Variants in TMEM108 observed in about 807,000 individuals in gnomAD.
TMEM108 encodes the protein cancer/testis antigen 124.
Under a neutral mutation model 35.1 loss-of-function variants are expected in TMEM108, and 12 were observed. The ratio of observed to expected loss-of-function variants is 0.34; its 90% confidence interval spans 0.22 to 0.55. The LOEUF is 0.55. Among genes scored for constraint, TMEM108 ranks in the 20% least tolerant of loss-of-function variants. The pLI, the probability that TMEM108 is intolerant of heterozygous loss-of-function variation, is 0.89. For synonymous variants in TMEM108, 287 were observed against 308.6 expected (o/e 0.93, Z 0.73); for missense variants, 680 against 753.3 (o/e 0.90, Z 1.14).
At chr3:133,301,891 A>G (rs753783689) in intron 3 of TMEM108, among the ~76,000 whole-genome samples, 11 of 152,068 alleles carry the variant, frequency 7.2e-5, no homozygotes, top group Admixed American at 2.0e-4. Context: ...AGTGGGTGCA[A>G]CTCAGGAAGC....
intron 2 of TMEM108, among the ~76,000 whole-genome samples, chr3:133,179,047 A>G (rs1333990166): frequency 2.0e-5 from 3 of 152,198 alleles, no homozygotes; most frequent in African/African-American, 7.2e-5. Flanking sequence ...CAAAAGACAC[A>G]TGAAAAAATG....
intron 2 of TMEM108, among the ~76,000 whole-genome samples, chr3:133,166,672 A>G (rs1045175087): frequency 6.6e-6 from 1 of 151,708 alleles, no homozygotes; most frequent in African/African-American, 2.4e-5. Flanking sequence ...CGGTGGGTTC[A>G]TGGTCTCGCT....
chr3:133,187,692 G>A (rs941845805), intron 2 of TMEM108, among the ~76,000 whole-genome samples: 1 of 152,096 alleles, frequency 6.6e-6, no homozygotes, highest in Non-Finnish European at 1.5e-5. Context: ...AGAGATTGTA[G>A]TGAGCCAAGG....
Position 133,065,491 on chromosome 3 carries a change from C to CA in TMEM108, c.-47+19473dup, listed in dbSNP as rs140217593. ...AGCTCTAGTTAGTATAAAAGAAACC[C>CA]AATTTTTTTTTCATGTTCCAGAAAC... On this transcript the variant is annotated intron_variant, in intron 2 of 5. Transcript: ENST00000321871. Among the ~76,000 whole-genome samples the CA allele has an allele frequency of 3.7e-4, 56 of 150,960 alleles. No homozygotes were observed. The East Asian group carries it at 0.011, about 29-fold the overall frequency.
At chr3:133,039,156 A>G (rs889758559) in intron 1 of TMEM108, among the ~76,000 whole-genome samples, 3 of 152,142 alleles carry the variant, frequency 2.0e-5, no homozygotes, top group Admixed American at 6.5e-5. Context: ...TACAAAAACC[A>G]ATTTCAGATG....
chr3:133,259,671 T>C (rs1946597663), intron 3 of TMEM108, among the ~76,000 whole-genome samples: 1 of 152,210 alleles, frequency 6.6e-6, no homozygotes, highest in South Asian at 2.1e-4. Flanking sequence ...AATAGAATTT[T>C]TCAATAGGAG....
intron 3 of TMEM108, among the ~76,000 whole-genome samples, chr3:133,306,215 A>G (rs961627470): frequency 2.0e-5 from 3 of 152,150 alleles, no homozygotes; most frequent in African/African-American, 7.2e-5. Flanking sequence ...TCCTGTATTT[A>G]CTTCTAAAAG....
At chr3:133,084,584 G>A (rs191296052) in intron 2 of TMEM108, among the ~76,000 whole-genome samples, 1 of 152,250 alleles carries the variant, frequency 6.6e-6, no homozygotes, top group East Asian at 1.9e-4. Context: ...CTTTTGGATG[G>A]GTGATGGAAT....
At chr3:133,105,698 C>A (rs1944141903) in intron 2 of TMEM108, among the ~76,000 whole-genome samples, 1 of 152,218 alleles carries the variant, frequency 6.6e-6, no homozygotes, top group African/African-American at 2.4e-5. Flanking sequence ...CCACGACTTT[C>A]TCTCGTCCAC....
At chr3:133,210,191 T>G (rs1945815944) in intron 2 of TMEM108, among the ~76,000 whole-genome samples, 1 of 152,232 alleles carries the variant, frequency 6.6e-6, no homozygotes, top group Admixed American at 6.5e-5. Context: ...ACTGTGGCTC[T>G]AGTACTCTCT....
At chr3:133,362,972 G>A (rs535094952) in intron 3 of TMEM108, among the ~76,000 whole-genome samples, 7 of 152,308 alleles carry the variant, frequency 4.6e-5, no homozygotes, top group Non-Finnish European at 8.8e-5. Flanking sequence ...CCGGGCCAGA[G>A]GGTGTTGTTT....
Position 133,167,764 on chromosome 3 carries a change from C to T in TMEM108, c.-46-61502C>T, listed in dbSNP as rs563189820. ...ACCGCATGCAGCCCCAGTTCCCACC[C>T]GCGCCTCTCCCTCCACACCTTCCCG... On this transcript the variant is annotated intron_variant, in intron 2 of 5. Coordinates refer to ENST00000321871, the MANE Select transcript of TMEM108 (RefSeq NM_023943.4). 2.5e-4 allele frequency among the ~76,000 whole-genome samples: 38 copies of T among 152,306 alleles called. No homozygotes were observed. The East Asian group carries it at 6.6e-3, about 26-fold the overall frequency.
At chr3:133,236,580 A>G (rs1946240738) in intron 3 of TMEM108, among the ~76,000 whole-genome samples, 1 of 152,010 alleles carries the variant, frequency 6.6e-6, no homozygotes, top group Admixed American at 6.6e-5. Context: ...CTATTTTCTG[A>G]TGGGATGATC....
intron 2 of TMEM108, among the ~76,000 whole-genome samples, chr3:133,149,339 C>G (rs577451234): frequency 1.3e-5 from 2 of 152,310 alleles, no homozygotes; most frequent in Admixed American, 1.3e-4. Flanking sequence ...CATCCATCAC[C>G]TCATATGCTC....
chr3:133,203,634 C>G (rs1051200135), intron 2 of TMEM108, among the ~76,000 whole-genome samples: 1 of 152,056 alleles, frequency 6.6e-6, no homozygotes, highest in East Asian at 1.9e-4. Context: ...CTTGCATCCC[C>G]GGGATGAAGC....
intron 3 of TMEM108, among the ~76,000 whole-genome samples, chr3:133,299,876 C>G (rs1458918151): frequency 6.6e-6 from 1 of 152,092 alleles, no homozygotes; most frequent in Non-Finnish European, 1.5e-5. Flanking sequence ...ATCCCATTAG[C>G]ACATTTTATT....
chr3:133,388,265 A>G (rs1035900240), intron 4 of TMEM108: 1 of 985,322 alleles, frequency 1.0e-6, no homozygotes, highest in African/African-American at 1.7e-5. Context: ...GTGACAATGA[A>G]GAACAGAGAC....
intron 3 of TMEM108, among the ~76,000 whole-genome samples, chr3:133,339,402 A>T (rs1460116595): frequency 6.6e-6 from 1 of 151,970 alleles, no homozygotes; most frequent in African/African-American, 2.4e-5. Context: ...CAGCAAGAGG[A>T]TAGAATAATT....
At chr3:133,324,835 G>C (rs1440481336) in intron 3 of TMEM108, among the ~76,000 whole-genome samples, 1 of 152,160 alleles carries the variant, frequency 6.6e-6, no homozygotes, top group Non-Finnish European at 1.5e-5. Flanking sequence ...AATTAGCTGG[G>C]CATGGTGGCG....
Sources: gnomAD v4.1 joint callset for allele counts (sites outside exome capture counted in the v4.1 genomes callset) on GRCh38, gnomAD v4.1.1 for gene constraint, MANE v1.5 for transcripts, NCBI Gene and HGNC (gene_info 2026-07-23, HGNC 2026-07-21) for gene names.